Variants in SYNE1 observed in about 807,000 individuals in gnomAD.
The protein encoded by SYNE1 is spectrin repeat containing nuclear envelope protein 1.
Under a neutral mutation model 1,111.0 loss-of-function variants are expected in SYNE1, and 616 were observed. The observed-to-expected ratio is 0.55, with a 90% CI of 0.52 to 0.59. SYNE1 has a LOEUF of 0.59. SYNE1 is among the 20% of genes least tolerant of loss of function. SYNE1 has a pLI of 0.00. For synonymous variants in SYNE1, 3,855 were observed against 3,825.8 expected (o/e 1.01, Z -0.28); for missense variants, 10,006 against 10,417.0 (o/e 0.96, Z 1.72).
At chr6:152,352,458 A>G (rs2096758742) in intron 69 of SYNE1, 105 bp from the exon 70 acceptor site, 1 of 1,226,428 alleles carries the variant, frequency 8.2e-7, no homozygotes, top group South Asian at 1.4e-5. Context: ...GCTAGAGTGC[A>G]GTGGCACAAT....
intron 124 of SYNE1, among the ~76,000 whole-genome samples, chr6:152,210,135 A>G (rs1761450822): frequency 6.6e-6 from 1 of 152,168 alleles, no homozygotes; most frequent in African/African-American, 2.4e-5. Flanking sequence ...AGAACAAAAT[A>G]CACTTGCAAT....
intron 44 of SYNE1, among the ~76,000 whole-genome samples, chr6:152,408,591 T>C (rs1342769453): frequency 6.6e-6 from 1 of 152,230 alleles, no homozygotes; most frequent in Admixed American, 6.5e-5. Context: ...ACATATTTTA[T>C]TATTTCTAAA....
chr6:152,486,302 G>A (rs1484338377), intron 12 of SYNE1, among the ~76,000 whole-genome samples: 1 of 152,014 alleles, frequency 6.6e-6, no homozygotes, highest in African/African-American at 2.4e-5. Flanking sequence ...TGAAAAAACT[G>A]GAAAATGCAG....
At chr6:152,267,466 C>T (rs763498207) in intron 100 of SYNE1, among the ~76,000 whole-genome samples, 8 of 152,144 alleles carry the variant, frequency 5.3e-5, no homozygotes, top group Non-Finnish European at 7.3e-5. Context: ...AAGTGACCTT[C>T]GTGGAACTAG....
At chr6:152,222,653 T>C (rs1397732862) in intron 117 of SYNE1, among the ~76,000 whole-genome samples, 1 of 152,238 alleles carries the variant, frequency 6.6e-6, no homozygotes, top group African/African-American at 2.4e-5. Context: ...TTACCTCACA[T>C]ACTTATCCAT....
chr6:152,455,718 A>G, intron 23 of SYNE1, 128 bp from the exon 24 acceptor site: 2 of 1,408,190 alleles, frequency 1.4e-6, no homozygotes, highest in Non-Finnish European at 2.0e-6. Flanking sequence ...GGAATAATTA[A>G]CTCTTTTCAA....
chr6:152,636,269 A>G (rs1239028390), intron 2 of SYNE1, among the ~76,000 whole-genome samples: 1 of 151,942 alleles, frequency 6.6e-6, no homozygotes, highest in Non-Finnish European at 1.5e-5. Flanking sequence ...TCAACGCCCT[A>G]CCTCTCCCAT....
rs374002172 is a variant in SYNE1, at chr6:152,321,812, T to A, written c.15992A>T (p.Gln5331Leu). 1.9e-6 allele frequency: 3 copies of A among 1,613,912 alleles called. No individual in the cohort carries two copies. In the African/African-American group the frequency reaches 4.0e-5, roughly 22 times the overall value. ...AACCCAACATTTCACAGAATTGATC[T>A]GAGTCTCCACCATTTCTCGGTCCTT... The part of the protein sequence containing the change: ...ELKDREMVET[Q>L]INSVKCWVQE... The change falls in exon 83 of 146, where the codon CAG becomes CTG. Residue 5331 changes from glutamine to leucine, a missense_variant. Around this residue, in one of 7 missense-constraint regions of SYNE1, gnomAD observed 4,955 missense variants for 5,017.2 expected, o/e 0.99. Coordinates refer to ENST00000367255, the MANE Select transcript of SYNE1 (RefSeq NM_182961.4).
Position 152,598,135 on chromosome 6 carries a change from G to C in SYNE1, c.67+30130C>G, listed in dbSNP as rs139076137. On this transcript the variant is annotated intron_variant, in intron 3 of 145. Coordinates refer to ENST00000367255, the MANE Select transcript of SYNE1 (RefSeq NM_182961.4). ...TGTGTCCCCACCCAAATCTAATCTT[G>C]AATTATAGCTCCCGTGATTCCCATG... Among the ~76,000 whole-genome samples the C allele has an allele frequency of 1.1e-3, 174 of 152,196 alleles. No homozygotes were observed. In the Middle Eastern group the frequency reaches 0.014, roughly 12 times the overall value.
At chr6:152,463,947 G>A (rs1338570620) in intron 18 of SYNE1, among the ~76,000 whole-genome samples, 2 of 152,088 alleles carry the variant, frequency 1.3e-5, no homozygotes, top group Admixed American at 1.3e-4. Flanking sequence ...GTACAATTTT[G>A]TTACATGCAT....
intron 143 of SYNE1, among the ~76,000 whole-genome samples, chr6:152,132,587 T>C (rs191879160): frequency 6.6e-6 from 1 of 152,240 alleles, no homozygotes; most frequent in Non-Finnish European, 1.5e-5. Context: ...AGTCAATACA[T>C]TCCAGTTGGA....
At chr6:152,201,541 CA>C (rs981392615) in intron 127 of SYNE1, among the ~76,000 whole-genome samples, 1 of 149,296 alleles carries the variant, frequency 6.7e-6, no homozygotes, top group African/African-American at 2.5e-5. Flanking sequence ...GTGGATGCTT[CA>C]AAAAAAATGA....
chr6:152,505,507 T>A (rs2099053131), intron 8 of SYNE1, 110 bp from the exon 9 acceptor site: 5 of 1,189,686 alleles, frequency 4.2e-6, no homozygotes, highest in Admixed American at 4.0e-5. Flanking sequence ...TGCAGAGAGC[T>A]GTATCAGTTC....
intron 91 of SYNE1, among the ~76,000 whole-genome samples, chr6:152,304,138 A>G (rs1484493379): frequency 6.6e-6 from 1 of 152,188 alleles, no homozygotes; most frequent in Non-Finnish European, 1.5e-5. Context: ...GATTTTTAAA[A>G]ACAGTGATTG....
chr6:152,239,452 T>C (rs1588491605), intron 108 of SYNE1, 81 bp downstream of exon 108: 1 of 1,568,972 alleles, frequency 6.4e-7, no homozygotes, highest in South Asian at 1.1e-5. Flanking sequence ...GCAAACTGCA[T>C]GGATAGATAC....
At chr6:152,529,229 T>C (rs1319231463) in intron 4 of SYNE1, among the ~76,000 whole-genome samples, 1 of 152,238 alleles carries the variant, frequency 6.6e-6, no homozygotes, top group Non-Finnish European at 1.5e-5. Context: ...ACCTACTAAA[T>C]ATTGGAATTT....
intron 10 of SYNE1, among the ~76,000 whole-genome samples, chr6:152,501,928 C>T (rs1055048724): frequency 2.0e-5 from 3 of 151,916 alleles, no homozygotes; most frequent in African/African-American, 7.3e-5. Flanking sequence ...TGTATGGATA[C>T]CATAATTCTA....
rs188203038 is a variant in SYNE1, at chr6:152,233,913, C to T, written c.20580G>A (p.Leu6860=). 5.0e-6 allele frequency: 8 copies of T among 1,614,170 alleles called. No individual in the cohort carries two copies. The highest frequency in any genetic ancestry group is 3.3e-5 in the South Asian group (3 of 91,082). ...GTCGAAGGAGCTGATTTCCAGTACT[C>T]AGAACAGATGATTTCAGGGAAGATT... ...DAQSSLKSSV[L]STGNQLLRLK... Residue 6860 remains leucine, a synonymous_variant, in exon 112 of 146, where the codon CTG becomes CTA. Coordinates refer to ENST00000367255, the MANE Select transcript of SYNE1 (RefSeq NM_182961.4).
intron 76 of SYNE1, chr6:152,336,380 C>T (rs1416239834): frequency 3.4e-5 from 7 of 205,474 alleles, no homozygotes; most frequent in East Asian, 2.4e-4. Flanking sequence ...CTTAAAGCAG[C>T]GGTCCCCAAA....
Sources: allele counts gnomAD v4.1 joint callset (sites outside exome capture counted in the v4.1 genomes callset), GRCh38; gene constraint gnomAD v4.1.1; regional missense constraint gnomAD v4.1.1; transcripts MANE v1.5; gene names NCBI Gene and HGNC (gene_info 2026-07-23, HGNC 2026-07-21).